The following MAGI1 variants were observed in gnomAD, a reference collection of about 807,000 sequenced individuals.
MAGI1 encodes the protein membrane-associated guanylate kinase, WW and PDZ domain-containing protein 1.
Under a neutral mutation model 139.9 loss-of-function variants are expected in MAGI1, and 58 were observed. That is an observed-to-expected ratio of 0.41 (90% CI 0.34 to 0.52). The LOEUF is 0.52. Ranked by LOEUF, MAGI1 falls within the 20% of genes least tolerant of loss-of-function variation. The pLI is 0.12. For synonymous variants in MAGI1, 812 were observed against 737.9 expected (o/e 1.10, Z -1.63); for missense variants, 1,874 against 1,901.6 (o/e 0.99, Z 0.27).
chr3:66,012,685 G>A (rs2067386272), intron 1 of MAGI1, among the ~76,000 whole-genome samples: 1 of 150,156 alleles, frequency 6.7e-6, no homozygotes, highest in Admixed American at 6.7e-5. Flanking sequence ...AGAACAACTT[G>A]AACCTGGGAA....
intron 5 of MAGI1, among the ~76,000 whole-genome samples, chr3:65,457,984 C>G (rs1321019508): frequency 6.6e-6 from 1 of 152,136 alleles, no homozygotes; most frequent in Admixed American, 6.6e-5. Flanking sequence ...AACCATCATT[C>G]TACTCTACCT....
intron 1 of MAGI1, among the ~76,000 whole-genome samples, chr3:65,845,630 C>T (rs1436100898): frequency 1.3e-5 from 2 of 152,166 alleles, no homozygotes; most frequent in Admixed American, 1.3e-4. Flanking sequence ...TCTACCACAT[C>T]ACTCACAACT....
chr3:65,844,341 G>A, intron 1 of MAGI1: 1 of 313,696 alleles, frequency 3.2e-6, no homozygotes, highest in South Asian at 2.9e-5. Context: ...AGATGATCTT[G>A]ACTGAAAAGG....
At chr3:65,707,363 G>A (rs374983958) in intron 1 of MAGI1, among the ~76,000 whole-genome samples, 12 of 152,276 alleles carry the variant, frequency 7.9e-5, no homozygotes, top group Admixed American at 3.9e-4. Flanking sequence ...TGTAATCCCA[G>A]CACTTTGGAC....
At chr3:65,734,259 C>T (rs987218406) in intron 1 of MAGI1, among the ~76,000 whole-genome samples, 52 of 151,980 alleles carry the variant, frequency 3.4e-4, no homozygotes, top group African/African-American at 9.6e-4. Context: ...CCCAGGAGTT[C>T]GAGCACCCTG....
intron 1 of MAGI1, among the ~76,000 whole-genome samples, chr3:66,006,382 C>T (rs1307828780): frequency 2.6e-5 from 4 of 152,160 alleles, no homozygotes; most frequent in Admixed American, 2.0e-4. Context: ...GTCTTAAAAG[C>T]TTCTCCTAAA....
At chr3:65,625,739 A>T in intron 1 of MAGI1, among the ~76,000 whole-genome samples, 1 of 152,344 alleles carries the variant, frequency 6.6e-6, no homozygotes, top group Middle Eastern at 3.4e-3. Context: ...AAAAAAATCC[A>T]TGCAAACCAA....
rs577258731 is a variant in MAGI1, at chr3:65,715,802, C to G, written c.314-93714G>C. On this transcript the variant is annotated intron_variant, in intron 1 of 22. Transcript: ENST00000402939. ...ATAGGAAAACACTTCATTTTATAACCAAAAATTTGTGCTGCTTAAGTAAAA... is the reference window on the plus strand; with the variant it reads ...ATAGGAAAACACTTCATTTTATAACGAAAAATTTGTGCTGCTTAAGTAAAA... Among the ~76,000 whole-genome samples the G allele has an allele frequency of 1.3e-3, 202 of 152,214 alleles. 1 individual carries two copies. The highest frequency in any genetic ancestry group is 2.3e-3 in the Non-Finnish European group (155 of 68,012).
At chr3:65,688,424 C>A (rs528515646) in intron 1 of MAGI1, 5 of 523,726 alleles carry the variant, frequency 9.5e-6, no homozygotes, top group Admixed American at 2.3e-5. Context: ...GACAGAAGAA[C>A]CACCTCAAGG....
chr3:65,690,640 A>ATTT lies in MAGI1; in HGVS notation c.314-68555_314-68553dup, dbSNP rs78131210. Among the ~76,000 whole-genome samples the ATTT allele has an allele frequency of 3.4e-3, 442 of 130,476 alleles. 7 individuals carry two copies. The highest frequency in any genetic ancestry group is 0.011 in the African/African-American group (381 of 34,192). The allele number at this position is 130,476 out of a possible 152,430, so 85.6% of individuals were successfully genotyped here. On this transcript the variant is annotated intron_variant, in intron 1 of 22. Coordinates refer to ENST00000402939, the MANE Select transcript of MAGI1 (RefSeq NM_001033057.2). ...CATGCCCGGCTCATTTGTATTTTTA[A>ATTT]TTTTTTTTTTTTTTTTTTAAGTAGA...
chr3:65,472,678 T>G (rs1291769781), intron 4 of MAGI1, among the ~76,000 whole-genome samples: 1 of 152,164 alleles, frequency 6.6e-6, no homozygotes, highest in Non-Finnish European at 1.5e-5. Context: ...CACTCCTCCG[T>G]GCACCAGTGC....
chr3:65,636,569 T>C (rs577312161), intron 1 of MAGI1, among the ~76,000 whole-genome samples: 1 of 152,268 alleles, frequency 6.6e-6, no homozygotes, highest in East Asian at 1.9e-4. Flanking sequence ...CCATCCTGGT[T>C]TCCCCTCTGA....
intron 1 of MAGI1, among the ~76,000 whole-genome samples, chr3:65,686,513 G>A (rs943159345): frequency 4.6e-5 from 7 of 152,070 alleles, no homozygotes; most frequent in East Asian, 1.9e-4. Flanking sequence ...GGATGGTCTC[G>A]ATCTCCTGAC....
chr3:65,731,332 G>A (rs1023444804), intron 1 of MAGI1, among the ~76,000 whole-genome samples: 7 of 151,906 alleles, frequency 4.6e-5, no homozygotes, highest in Admixed American at 6.6e-5. Context: ...GGCTCCAGTC[G>A]GGTTAAATAG....
chr3:65,384,342 A>G (rs1451993755), intron 14 of MAGI1, among the ~76,000 whole-genome samples: 1 of 152,224 alleles, frequency 6.6e-6, no homozygotes, highest in Non-Finnish European at 1.5e-5. Flanking sequence ...ATGAATACGT[A>G]CAGATTTTTT....
chr3:65,555,309 T>C (rs1040601782), intron 2 of MAGI1, among the ~76,000 whole-genome samples: 2 of 152,170 alleles, frequency 1.3e-5, no homozygotes, highest in African/African-American at 4.8e-5. Flanking sequence ...TCCGGATTCC[T>C]TTCTGCCTCA....
At chr3:65,657,829 A>C (rs2085969812) in intron 1 of MAGI1, among the ~76,000 whole-genome samples, 1 of 152,188 alleles carries the variant, frequency 6.6e-6, no homozygotes, top group Non-Finnish European at 1.5e-5. Flanking sequence ...CTTTGGTTTA[A>C]ATCTTGAGTC....
intron 22 of MAGI1, chr3:65,359,955 G>C (rs191324175): frequency 1.0e-6 from 1 of 985,384 alleles, no homozygotes; most frequent in East Asian, 1.1e-4. Context: ...CTAATGGTCA[G>C]AAGTTCAGTA....
chr3:65,635,327 T>C (rs1455833462), intron 1 of MAGI1, among the ~76,000 whole-genome samples: 1 of 152,142 alleles, frequency 6.6e-6, no homozygotes, highest in Non-Finnish European at 1.5e-5. Flanking sequence ...CCTCCCAAAG[T>C]GCTGGGATTA....
Sources: gnomAD v4.1 joint callset for allele counts (sites outside exome capture counted in the v4.1 genomes callset) on GRCh38, gnomAD v4.1.1 for gene constraint, MANE v1.5 for transcripts, NCBI Gene and HGNC (gene_info 2026-07-23, HGNC 2026-07-21) for gene names.